The following GSR variants were observed in gnomAD, a reference collection of about 807,000 sequenced individuals.
GSR encodes glutathione-disulfide reductase, also known as glutathione reductase, mitochondrial.
In GSR, 48 loss-of-function variants were observed where a neutral mutation model predicts 56.5. The ratio of observed to expected loss-of-function variants is 0.85; its 90% CI spans 0.67 to 1.08. The LOEUF is 1.08. Among genes scored for constraint, GSR ranks in the 50% least tolerant of loss-of-function variants. The pLI is 0.00. For missense variants in GSR, 694 were observed against 703.3 expected, an observed-to-expected ratio of 0.99 and a Z score of 0.15; for synonymous variants, 264 against 270.8, an observed-to-expected ratio of 0.97 and a Z score of 0.25.
At chr8:30,703,993 G>A (rs1408387887) in intron 4 of GSR, among the ~76,000 whole-genome samples, 1 of 152,108 alleles carries the variant, frequency 6.6e-6, no homozygotes, top group Non-Finnish European at 1.5e-5. Flanking sequence ...AGAATTGAGG[G>A]CGAAAGTTCC....
At chr8:30,724,937 G>A (rs1804676639) in intron 1 of GSR, among the ~76,000 whole-genome samples, 1 of 152,184 alleles carries the variant, frequency 6.6e-6, no homozygotes, top group Non-Finnish European at 1.5e-5. Flanking sequence ...TATGACATGG[G>A]ATTGTGAAAT....
rs187284047 is a variant in GSR, at chr8:30,705,554, G to T, written c.493-2314C>A. Among the ~76,000 whole-genome samples the T allele has an allele frequency of 9.3e-3, 1,416 of 152,140 alleles. 30 individuals carry two copies. Among genetic ancestry groups the T allele is most frequent in the Admixed American group, 0.052 (794 of 15,256 alleles). ...TGGGATTACAGGTGTGAGCCACCGC[G>T]CCCGGCCTCTACAAACGTTTTTTAA... On this transcript the variant is annotated intron_variant, in intron 4 of 12. Transcript: ENST00000221130.
chr8:30,687,520 C>T (rs2551724), intron 9 of GSR: 20,935 of 151,928 alleles, frequency 0.14, 1,856 homozygotes, highest in East Asian at 0.3. Context: ...TGGTGGTACA[C>T]GCCTGGAATC....
At chr8:30,705,978 C>A (rs1453993774) in intron 4 of GSR, among the ~76,000 whole-genome samples, 1 of 152,052 alleles carries the variant, frequency 6.6e-6, no homozygotes, top group Non-Finnish European at 1.5e-5. Flanking sequence ...TATAAATATG[C>A]TGCTACTGAG....
intron 1 of GSR, among the ~76,000 whole-genome samples, chr8:30,724,134 G>T (rs1391981991): frequency 1.3e-5 from 2 of 152,148 alleles, no homozygotes; most frequent in Non-Finnish European, 2.9e-5. Flanking sequence ...CACTTTCGGA[G>T]ACCAAAGCAG....
intron 1 of GSR, among the ~76,000 whole-genome samples, chr8:30,715,111 C>T (rs1425641793): frequency 6.6e-6 from 1 of 152,008 alleles, no homozygotes; most frequent in Non-Finnish European, 1.5e-5. Flanking sequence ...GACCCTGAGA[C>T]CCCATCTCTG....
chr8:30,686,147 T>G (rs1179585041), intron 9 of GSR, among the ~76,000 whole-genome samples: 1 of 151,796 alleles, frequency 6.6e-6, no homozygotes, highest in Non-Finnish European at 1.5e-5. Flanking sequence ...TTTGACTTCA[T>G]CACTGAGAAT....
chr8:30,711,895 A>G (rs1804156333), intron 2 of GSR, among the ~76,000 whole-genome samples, 167 bp downstream of exon 2: 1 of 151,966 alleles, frequency 6.6e-6, no homozygotes, highest in Non-Finnish European at 1.5e-5. Flanking sequence ...TTTAAAAAAC[A>G]CAAATCAAAC....
At chr8:30,680,381 G>GTTTTGTTTTTTTTTTTTTTTTTTTTTT in intron 12 of GSR, among the ~76,000 whole-genome samples, 3 of 33,378 alleles carry the variant, frequency 9.0e-5, no homozygotes, top group Non-Finnish European at 6.3e-5. Flanking sequence ...GGCCTCTCCT[G>GTTTTGTTTTTTTTTTTTTTTTTTTTTT]TTTTTTTTTT....
rs202236097 is a variant in GSR at position 30,679,682 on chromosome 8, G to A, written c.1420-13C>T. On this transcript the variant is annotated splice_polypyrimidine_tract_variant and intron_variant, in intron 12 of 12. Transcript: ENST00000221130. ...GGATCCCAACCACCTGGGAAAAGAA[G>A]AGAAACATTTTCTTTTCTTTCTTCT... The A allele has an allele frequency of 6.3e-7, 1 of 1,594,978 alleles. No individual in the cohort carries two copies. The highest frequency in any genetic ancestry group is 8.6e-7 in the Non-Finnish European group (1 of 1,164,634).
chr8:30,705,412 G>A (rs1470584057), intron 4 of GSR, among the ~76,000 whole-genome samples: 1 of 152,032 alleles, frequency 6.6e-6, no homozygotes, highest in Non-Finnish European at 1.5e-5. Flanking sequence ...ACAGGCGCCC[G>A]CCACCACACC....
At chr8:30,706,642 T>C (rs973725345) in intron 4 of GSR, among the ~76,000 whole-genome samples, 1 of 152,076 alleles carries the variant, frequency 6.6e-6, no homozygotes, top group African/African-American at 2.4e-5. Flanking sequence ...AGGTTGTCAA[T>C]GTCACCTACA....
At chr8:30,715,741 C>T (rs1322679769) in intron 1 of GSR, among the ~76,000 whole-genome samples, 1 of 152,136 alleles carries the variant, frequency 6.6e-6, no homozygotes. Flanking sequence ...TCTGGCTTCC[C>T]AAGAATCATC....
chr8:30,725,458 G>A (rs1804693150), intron 1 of GSR, among the ~76,000 whole-genome samples: 1 of 151,888 alleles, frequency 6.6e-6, no homozygotes, highest in African/African-American at 2.4e-5. Flanking sequence ...AATTTGGGAG[G>A]CCGAGGCAGG....
intron 2 of GSR, among the ~76,000 whole-genome samples, chr8:30,711,592 G>T (rs1350606684): frequency 6.6e-6 from 1 of 152,168 alleles, no homozygotes; most frequent in African/African-American, 2.4e-5. Context: ...AGCATTTTGG[G>T]AGGCTGAGGT....
rs8190921 is a variant in GSR, at chr8:30,715,574, T to G, written c.307-3486A>C. 5.5e-4 allele frequency among the ~76,000 whole-genome samples: 84 copies of G among 152,326 alleles called. No homozygotes were observed. In the East Asian group the frequency reaches 8.7e-3, roughly 16 times the overall value. ...TTTTCCAGTTATTTGGCAGGCAACG[T>G]GCTTCCCCGTGCCTTCCACCCACAC... On this transcript the variant is annotated intron_variant, in intron 1 of 12. Transcript: ENST00000221130.
At chr8:30,720,761 T>C (rs926342341) in intron 1 of GSR, among the ~76,000 whole-genome samples, 8 of 152,210 alleles carry the variant, frequency 5.3e-5, no homozygotes, top group African/African-American at 1.4e-4. Flanking sequence ...GCTGTTTTTG[T>C]TCAATTCTTA....
intron 6 of GSR, among the ~76,000 whole-genome samples, chr8:30,697,242 G>A (rs1223378997): frequency 1.3e-5 from 2 of 151,754 alleles, no homozygotes; most frequent in Non-Finnish European, 2.9e-5. Context: ...GGTGAACCCC[G>A]TCTCTACTAA....
At chr8:30,717,491 T>C (rs2128748174) in intron 1 of GSR, among the ~76,000 whole-genome samples, 1 of 152,210 alleles carries the variant, frequency 6.6e-6, no homozygotes, top group East Asian at 1.9e-4. Context: ...AAGCTTCATA[T>C]GTATTTATAG....
Sources: gnomAD v4.1 joint callset for allele counts (sites outside exome capture counted in the v4.1 genomes callset) on GRCh38, gnomAD v4.1.1 for gene constraint, MANE v1.5 for transcripts, NCBI Gene and HGNC (gene_info 2026-07-23, HGNC 2026-07-21) for gene names.